OR2L13: variants seen among roughly 807,000 people sequenced by gnomAD.
OR2L13 encodes the protein olfactory receptor 2L13.
A neutral mutation model predicts 15.3 loss-of-function variants in OR2L13; 14 were observed. The observed-to-expected ratio is 0.91, with a 90% confidence interval of 0.60 to 1.43. The LOEUF (loss-of-function observed/expected upper bound fraction) is 1.43. Ranked by LOEUF, OR2L13 falls within the 40% of genes most tolerant of loss-of-function variation. The pLI is 0.00. For missense variants in OR2L13, 367 were observed against 387.9 expected (o/e 0.95, Z 0.45); for synonymous variants, 152 against 142.9 (o/e 1.06, Z -0.45).
chr1:248,096,210 C>T (rs1250177064), upstream of OR2L13, among the ~76,000 whole-genome samples: 1 of 151,730 alleles, frequency 6.6e-6, no homozygotes, highest in Non-Finnish European at 1.5e-5. Flanking sequence ...AACCCGGTCT[C>T]TACTGAAAAT....
the OR2L13 span, among the ~76,000 whole-genome samples, chr1:248,004,401 A>G: frequency 0.028 from 4,275 of 152,308 alleles, 168 homozygotes; most frequent in African/African-American, 0.098. Context: ...ATTATTGTCA[A>G]TTTATTTTCC....
chr1:247,993,807 G>GAGAGAGAGAGAGAGAGAGAGAGAA, the OR2L13 span, among the ~76,000 whole-genome samples: 31 of 128,992 alleles, frequency 2.4e-4, no homozygotes, highest in African/African-American at 5.8e-4. Context: ...GAGAGAGAGA[G>GAGAGAGAGAGAGAGAGAGAGAGAA]AGAGAAAGAA....
the OR2L13 span, among the ~76,000 whole-genome samples, chr1:247,938,529 TA>T: frequency 1.3e-5 from 2 of 152,140 alleles, no homozygotes. Context: ...ATTTCCAGAT[TA>T]AAATACAAAA....
At chr1:248,087,199 GT>G in the OR2L13 span, among the ~76,000 whole-genome samples, 17 of 149,742 alleles carry the variant, frequency 1.1e-4, no homozygotes, top group African/African-American at 4.0e-4. Context: ...ATACTCTTCA[GT>G]AAAAAAAAAA....
At chr1:247,992,135 A>G in the OR2L13 span, among the ~76,000 whole-genome samples, 1 of 149,218 alleles carries the variant, frequency 6.7e-6, no homozygotes, top group Non-Finnish European at 1.5e-5. Context: ...CTCAATGTAA[A>G]GGCAACATAG....
chr1:248,044,797 G>A, the OR2L13 span, among the ~76,000 whole-genome samples: 3 of 53,526 alleles, frequency 5.6e-5, no homozygotes, highest in East Asian at 1.6e-3. Flanking sequence ...GCGACAGAGC[G>A]AAACTCCGTC....
the OR2L13 span, among the ~76,000 whole-genome samples, chr1:247,984,025 T>A: frequency 6.6e-6 from 1 of 152,152 alleles, no homozygotes; most frequent in African/African-American, 2.4e-5. Flanking sequence ...CAGGCAGAGC[T>A]GTGTTGTAAA....
At chr1:248,015,999 C>A in the OR2L13 span, among the ~76,000 whole-genome samples, 966 of 152,268 alleles carry the variant, frequency 6.3e-3, 13 homozygotes, top group Middle Eastern at 0.024. Context: ...CACTAGGTCT[C>A]TGTACTGTCA....
chr1:248,038,583 T>G, the OR2L13 span: 3 of 1,614,090 alleles, frequency 1.9e-6, no homozygotes, highest in Non-Finnish European at 2.5e-6. Context: ...CTTCTTGACT[T>G]TAGCAGTTGC....
the OR2L13 span, among the ~76,000 whole-genome samples, chr1:248,059,550 G>C: frequency 6.6e-6 from 1 of 152,164 alleles, no homozygotes; most frequent in Non-Finnish European, 1.5e-5. Context: ...GGATGATGAT[G>C]AATATTGAAA....
chr1:248,001,114 T>C, the OR2L13 span, among the ~76,000 whole-genome samples: 1 of 152,170 alleles, frequency 6.6e-6, no homozygotes, highest in African/African-American at 2.4e-5. Context: ...TACATACATA[T>C]GCATATATGT....
the OR2L13 span, chr1:247,991,007 T>G: frequency 6.6e-7 from 1 of 1,520,218 alleles, no homozygotes; most frequent in African/African-American, 1.4e-5. Context: ...CTCACTGTAG[T>G]GACTTTCTAC....
the OR2L13 span, among the ~76,000 whole-genome samples, chr1:248,033,185 C>G: frequency 6.6e-6 from 1 of 152,224 alleles, no homozygotes; most frequent in Non-Finnish European, 1.5e-5. Flanking sequence ...TTTCATTTTG[C>G]CACTGACTAT....
the OR2L13 span, among the ~76,000 whole-genome samples, chr1:248,070,870 A>T: frequency 6.6e-6 from 1 of 152,048 alleles, no homozygotes; most frequent in African/African-American, 2.4e-5. Context: ...AGACTAGAAA[A>T]TCTAGAAGAA....
At chr1:247,956,225 G>T in the OR2L13 span, among the ~76,000 whole-genome samples, 1 of 151,736 alleles carries the variant, frequency 6.6e-6, no homozygotes, top group Non-Finnish European at 1.5e-5. Flanking sequence ...GCTTGTTTTT[G>T]TCAGGATTGT....
At chr1:247,939,414 A>C in the OR2L13 span, 1 of 152,202 alleles carries the variant, frequency 6.6e-6, no homozygotes, top group Non-Finnish European at 1.5e-5. Flanking sequence ...TCATGATTGC[A>C]GTTGTAACAT....
the OR2L13 span, among the ~76,000 whole-genome samples, chr1:248,017,992 A>G: frequency 6.6e-6 from 1 of 151,940 alleles, no homozygotes; most frequent in Non-Finnish European, 1.5e-5. Flanking sequence ...AAGTATATGT[A>G]TATATAAAAA....
the OR2L13 span, among the ~76,000 whole-genome samples, chr1:248,047,297 G>C: frequency 2.0e-5 from 3 of 152,026 alleles, no homozygotes; most frequent in African/African-American, 7.2e-5. Context: ...ATTATATGAT[G>C]CTCATTATAA....
At chr1:248,038,875 C>T in the OR2L13 span, 13 of 1,614,118 alleles carry the variant, frequency 8.1e-6, no homozygotes, top group Non-Finnish European at 1.0e-5. Flanking sequence ...TTGAGCAGCA[C>T]CATCTTTCTT....
Sources: allele counts gnomAD v4.1 joint callset (sites outside exome capture counted in the v4.1 genomes callset), GRCh38; gene constraint gnomAD v4.1.1; transcripts MANE v1.5; gene names NCBI Gene and HGNC (gene_info 2026-07-23, HGNC 2026-07-21).